The following SEMA6D variants were observed in gnomAD, a reference collection of about 807,000 sequenced individuals.
The protein encoded by SEMA6D is semaphorin-6D.
In SEMA6D, 35 loss-of-function variants were observed where a neutral mutation model predicts 106.6. The ratio of observed to expected loss-of-function variants is 0.33; its 90% CI spans 0.25 to 0.44. The LOEUF is 0.44. Among genes scored for constraint, SEMA6D ranks in the 20% least tolerant of loss-of-function variants. SEMA6D has a pLI of 1.00. For missense variants in SEMA6D, 1,185 were observed against 1,345.9 expected (o/e 0.88, Z 1.87); for synonymous variants, 499 against 487.7 (o/e 1.02, Z -0.31).
chr15:47,270,458 C>T (rs116587061), intron 1 of SEMA6D, among the ~76,000 whole-genome samples: 21 of 151,184 alleles, frequency 1.4e-4, no homozygotes, highest in African/African-American at 5.1e-4. Context: ...CCTTTTCCTT[C>T]TTTTTTTTTC....
intron 4 of SEMA6D, among the ~76,000 whole-genome samples, chr15:47,607,461 CT>C (rs2076805295): frequency 6.6e-6 from 1 of 152,192 alleles, no homozygotes; most frequent in South Asian, 2.1e-4. Context: ...ATCCTTGTCC[CT>C]TTCCACCTAC....
At chr15:47,337,685 C>T (rs1023837336) in intron 1 of SEMA6D, among the ~76,000 whole-genome samples, 3 of 152,006 alleles carry the variant, frequency 2.0e-5, no homozygotes, top group Non-Finnish European at 4.4e-5. Flanking sequence ...TTGTCTGAAA[C>T]AGGGAGAGAT....
intron 4 of SEMA6D, among the ~76,000 whole-genome samples, chr15:47,605,070 C>T (rs1430254120): frequency 1.3e-5 from 2 of 152,140 alleles, no homozygotes; most frequent in African/African-American, 2.4e-5. Flanking sequence ...TTAAAACAAA[C>T]ACATGCTGTC....
intron 4 of SEMA6D, among the ~76,000 whole-genome samples, chr15:47,685,103 G>A (rs983804447): frequency 1.4e-4 from 21 of 152,172 alleles, no homozygotes; most frequent in Admixed American, 1.2e-3. Context: ...TGTTTCCACC[G>A]AAGAATCCCT....
At chr15:47,671,835 A>G (rs893339279) in intron 4 of SEMA6D, among the ~76,000 whole-genome samples, 3 of 151,996 alleles carry the variant, frequency 2.0e-5, no homozygotes, top group African/African-American at 7.2e-5. Flanking sequence ...GAGAGAAATA[A>G]TGTGAATGGC....
In SEMA6D at chr15:47,745,538, A is replaced by G. The variant is rs544461787; in HGVS notation, c.-54-14207A>G. Among the ~76,000 whole-genome samples the G allele has an allele frequency of 2.0e-5, 3 of 152,370 alleles. No individual in the cohort carries two copies. In the East Asian group the frequency reaches 5.8e-4, roughly 29 times the overall value. On this transcript the variant is annotated intron_variant, in intron 1 of 18. Coordinates refer to ENST00000536845, the MANE Select transcript of SEMA6D (RefSeq NM_001358351.3). ...CTTAATACCCTCTTGGTCTTGCATC[A>G]ATTTAGTGAAAATTAGGAACTGAGA...
chr15:47,683,268 T>C (rs2078397665), intron 4 of SEMA6D, among the ~76,000 whole-genome samples: 1 of 152,204 alleles, frequency 6.6e-6, no homozygotes. Context: ...TGTCCATGTG[T>C]ACCCATTGCT....
chr15:47,509,290 A>AC (rs150093265), intron 3 of SEMA6D, among the ~76,000 whole-genome samples: 14,144 of 152,166 alleles, frequency 0.093, 943 homozygotes, highest in East Asian at 0.32. Context: ...CCAAACTGGG[A>AC]CCTTTGTCCT....
intron 4 of SEMA6D, among the ~76,000 whole-genome samples, chr15:47,656,090 CA>C (rs1320174593): frequency 6.6e-6 from 1 of 152,216 alleles, no homozygotes; most frequent in East Asian, 1.9e-4. Context: ...TTCCTAAACA[CA>C]AGAAGGCTGT....
chr15:47,212,395 T>C (rs1410195742), intron 1 of SEMA6D, among the ~76,000 whole-genome samples: 1 of 152,200 alleles, frequency 6.6e-6, no homozygotes, highest in Non-Finnish European at 1.5e-5. Flanking sequence ...ACCTTTCTGC[T>C]TTTCCCAACT....
At chr15:47,324,670 CTATTA>C (rs2037054740) in intron 1 of SEMA6D, among the ~76,000 whole-genome samples, 1 of 149,936 alleles carries the variant, frequency 6.7e-6, no homozygotes, top group Non-Finnish European at 1.5e-5. Flanking sequence ...TATATATAAA[CTATTA>C]TATTTAAATA....
chr15:47,685,719 G>A (rs899386112), intron 4 of SEMA6D, among the ~76,000 whole-genome samples: 1 of 152,150 alleles, frequency 6.6e-6, no homozygotes, highest in East Asian at 1.9e-4. Flanking sequence ...AGCTATGGTA[G>A]AACATGTGAA....
intron 1 of SEMA6D, among the ~76,000 whole-genome samples, chr15:47,718,164 C>T (rs959797361): frequency 1.3e-5 from 2 of 152,216 alleles, no homozygotes; most frequent in Non-Finnish European, 2.9e-5. Context: ...ACAGCGTCTC[C>T]AGGAGCCAGC....
intron 1 of SEMA6D, among the ~76,000 whole-genome samples, chr15:47,382,983 C>T (rs1444082904): frequency 1.3e-5 from 2 of 152,174 alleles, no homozygotes; most frequent in African/African-American, 2.4e-5. Flanking sequence ...CCAGGCTGGT[C>T]TCAAACCCCT....
chr15:47,287,437 T>C (rs546816542), intron 1 of SEMA6D, among the ~76,000 whole-genome samples: 1 of 152,310 alleles, frequency 6.6e-6, no homozygotes, highest in African/African-American at 2.4e-5. Context: ...CCTAGCTCAT[T>C]TGAGCGCCCT....
chr15:47,718,748 A>G (rs756431418), intron 1 of SEMA6D: 1 of 152,232 alleles, frequency 6.6e-6, no homozygotes, highest in Non-Finnish European at 1.5e-5. Flanking sequence ...TCAATTATGG[A>G]TGGAAACAAA....
intron 3 of SEMA6D, among the ~76,000 whole-genome samples, chr15:47,598,737 T>G (rs912877631): frequency 2.0e-5 from 3 of 152,122 alleles, no homozygotes; most frequent in African/African-American, 7.2e-5. Flanking sequence ...TCACCTAAGC[T>G]TTCGCCCTTT....
At chr15:47,220,353 T>G (rs2031076543) in intron 1 of SEMA6D, among the ~76,000 whole-genome samples, 1 of 152,226 alleles carries the variant, frequency 6.6e-6, no homozygotes. Context: ...AGCTAGGTGA[T>G]TGTAGTAACA....
At chr15:47,489,858 G>C (rs1428511545) in intron 3 of SEMA6D, among the ~76,000 whole-genome samples, 1 of 152,002 alleles carries the variant, frequency 6.6e-6, no homozygotes, top group African/African-American at 2.4e-5. Flanking sequence ...CATCACGTTG[G>C]CCAGGCTGGT....
Sources: allele counts gnomAD v4.1 joint callset (sites outside exome capture counted in the v4.1 genomes callset), GRCh38; gene constraint gnomAD v4.1.1; transcripts MANE v1.5; gene names NCBI Gene and HGNC (gene_info 2026-07-23, HGNC 2026-07-21).